The following PIGK variants were observed in gnomAD, a reference collection of about 807,000 sequenced individuals.
PIGK encodes phosphatidylinositol glycan anchor biosynthesis class K, also known as GPI-anchor transamidase.
A neutral mutation model predicts 50.6 loss-of-function variants in PIGK; 42 were observed. The observed-to-expected ratio is 0.83, with a 90% CI of 0.65 to 1.07. The LOEUF (loss-of-function observed/expected upper bound fraction) is 1.07. Among genes scored for constraint, PIGK ranks in the 50% least tolerant of loss-of-function variants. The probability of loss-of-function intolerance (pLI) is 0.00; values close to 1 mark genes in which losing one functional copy is unlikely to be tolerated. For synonymous variants in PIGK, 151 were observed against 156.0 expected (o/e 0.97, Z 0.24); for missense variants, 448 against 488.7 (o/e 0.92, Z 0.78).
At chr1:77,131,582 A>T (rs1313622483) in intron 9 of PIGK, among the ~76,000 whole-genome samples, 1 of 152,114 alleles carries the variant, frequency 6.6e-6, no homozygotes, top group South Asian at 2.1e-4. Context: ...TGTCTAAGCC[A>T]CATTGCCTTT....
intron 3 of PIGK, among the ~76,000 whole-genome samples, chr1:77,183,190 C>A (rs1271284078): frequency 1.3e-5 from 2 of 152,076 alleles, no homozygotes; most frequent in African/African-American, 4.8e-5. Flanking sequence ...AGAATGAGAC[C>A]CTGCAACTTG....
At chr1:77,164,072 AAAAC>A (rs1306358723) in intron 5 of PIGK, 130 bp from the exon 6 acceptor site, 26 of 529,766 alleles carry the variant, frequency 4.9e-5, no homozygotes, top group Non-Finnish European at 6.9e-5. Context: ...GTATACTATG[AAAAC>A]AAACAAATTG....
intron 10 of PIGK, among the ~76,000 whole-genome samples, chr1:77,092,830 C>A (rs567389092): frequency 4.1e-4 from 62 of 152,190 alleles, no homozygotes; most frequent in African/African-American, 1.5e-3. Flanking sequence ...ATTAATTTGT[C>A]GGTTTTATCT....
At chr1:77,218,954 C>T (rs1414837584) in intron 1 of PIGK, among the ~76,000 whole-genome samples, 3 of 152,148 alleles carry the variant, frequency 2.0e-5, no homozygotes, top group Non-Finnish European at 2.9e-5. Context: ...CTCTCCAGTT[C>T]CGTCTGACTC....
At chr1:77,123,803 T>C (rs1654159207) in intron 9 of PIGK, among the ~76,000 whole-genome samples, 1 of 152,196 alleles carries the variant, frequency 6.6e-6, no homozygotes, top group Admixed American at 6.5e-5. Flanking sequence ...ATGTTATGTA[T>C]TTGTTATGGG....
chr1:77,129,770 G>A, intron 9 of PIGK: 1 of 641,318 alleles, frequency 1.6e-6, no homozygotes, highest in Non-Finnish European at 2.3e-6. Context: ...AGAAAAAGTT[G>A]CCCAACCTAT....
At chr1:77,108,992 C>A (rs1397999555) in intron 10 of PIGK, among the ~76,000 whole-genome samples, 4 of 152,098 alleles carry the variant, frequency 2.6e-5, no homozygotes, top group Admixed American at 2.6e-4. Context: ...AGCCATTCGT[C>A]TAACCTTTTT....
chr1:77,148,015 A>C (rs1654809374), intron 9 of PIGK, among the ~76,000 whole-genome samples: 1 of 152,224 alleles, frequency 6.6e-6, no homozygotes, highest in Admixed American at 6.5e-5. Context: ...TGAATAACTG[A>C]ATCAATGGAC....
At chr1:77,168,474 C>T (rs1200482518) in intron 4 of PIGK, among the ~76,000 whole-genome samples, 1 of 151,892 alleles carries the variant, frequency 6.6e-6, no homozygotes, top group Non-Finnish European at 1.5e-5. Context: ...TAAAATATGA[C>T]TAAATAAACA....
chr1:77,190,651 A>C (rs532418687), intron 3 of PIGK, among the ~76,000 whole-genome samples: 1 of 152,328 alleles, frequency 6.6e-6, no homozygotes, highest in African/African-American at 2.4e-5. Flanking sequence ...CAAATGAAAA[A>C]TCTCAGTGCC....
intron 3 of PIGK, among the ~76,000 whole-genome samples, chr1:77,198,562 G>A (rs976152422): frequency 6.6e-6 from 1 of 151,836 alleles, no homozygotes; most frequent in Non-Finnish European, 1.5e-5. Context: ...AGTTTAGCAA[G>A]TTGCTAGAAC....
chr1:77,176,895 A>G (rs1057446945), intron 3 of PIGK, among the ~76,000 whole-genome samples: 16 of 152,236 alleles, frequency 1.1e-4, no homozygotes, highest in African/African-American at 3.9e-4. Flanking sequence ...CATGGAAAAG[A>G]GAAAATAATT....
chr1:77,111,201 A>G (rs1296572584), intron 10 of PIGK, among the ~76,000 whole-genome samples: 1 of 152,130 alleles, frequency 6.6e-6, no homozygotes, highest in East Asian at 1.9e-4. Flanking sequence ...CAGTGTGGCG[A>G]CTCATCAGGG....
At chr1:77,129,106 C>G (rs1003575730) in intron 9 of PIGK, 1 of 945,986 alleles carries the variant, frequency 1.1e-6, no homozygotes. Context: ...CTGAGGTAAT[C>G]TGTGAAAATG....
chr1:77,125,325 T>G (rs1019917184), intron 9 of PIGK, among the ~76,000 whole-genome samples: 2 of 152,204 alleles, frequency 1.3e-5, no homozygotes, highest in Non-Finnish European at 2.9e-5. Flanking sequence ...CATCTAAATA[T>G]TTCAGCAAAA....
chr1:77,099,034 T>A lies in PIGK; in HGVS notation c.1072-6544A>T, dbSNP rs77477408. ...CCTAGGATTTGTAACACTTCTAGGA[T>A]CTATATTAAGGAATTCAGAAACGCT... On this transcript the variant is annotated intron_variant, in intron 10 of 10. Transcript: ENST00000370812. Among the ~76,000 whole-genome samples the A allele has an allele frequency of 8.3e-3, 1,262 of 152,236 alleles. 4 individuals carry two copies. The highest frequency in any genetic ancestry group is 0.013 in the Non-Finnish European group (908 of 67,990).
intron 3 of PIGK, among the ~76,000 whole-genome samples, 158 bp from the exon 4 acceptor site, chr1:77,169,553 T>C (rs1350808861): frequency 2.0e-5 from 3 of 150,474 alleles, no homozygotes; most frequent in Non-Finnish European, 3.0e-5. Context: ...TTTTTTCATA[T>C]CCTTGTGTAC....
At chr1:77,197,643 A>C (rs1656066181) in intron 3 of PIGK, among the ~76,000 whole-genome samples, 1 of 152,190 alleles carries the variant, frequency 6.6e-6, no homozygotes. Flanking sequence ...AAAGCAACTT[A>C]AGTAAAGTCA....
intron 4 of PIGK, among the ~76,000 whole-genome samples, chr1:77,167,578 C>A (rs928259588): frequency 6.6e-5 from 10 of 151,708 alleles, no homozygotes; most frequent in African/African-American, 2.4e-4. Context: ...ACCCCCATCT[C>A]TGGAAAAATA....
Sources: gnomAD v4.1 joint callset for allele counts (sites outside exome capture counted in the v4.1 genomes callset) on GRCh38, gnomAD v4.1.1 for gene constraint, MANE v1.5 for transcripts, NCBI Gene and HGNC (gene_info 2026-07-23, HGNC 2026-07-21) for gene names.